Variants in PDGFD observed in about 807,000 individuals in gnomAD.
PDGFD encodes platelet derived growth factor D.
A neutral mutation model predicts 44.7 loss-of-function variants in PDGFD; 30 were observed. The ratio of observed to expected loss-of-function variants is 0.67; its 90% confidence interval spans 0.50 to 0.91. The LOEUF (loss-of-function observed/expected upper bound fraction) is 0.91, where lower values mean the gene tolerates loss of function less well. Ranked by LOEUF, PDGFD falls within the 40% of genes least tolerant of loss-of-function variation. PDGFD has a pLI of 0.00. For synonymous variants in PDGFD, 173 were observed against 168.4 expected (o/e 1.03, Z -0.21); for missense variants, 445 against 457.8 (o/e 0.97, Z 0.25).
chr11:103,916,864 A>G (rs7110286), intron 6 of PDGFD, among the ~76,000 whole-genome samples: 70,000 of 152,062 alleles, frequency 0.46, 16,235 homozygotes, highest in South Asian at 0.49. Flanking sequence ...ACATGTTCTC[A>G]CTTGTAAGTG....
chr11:104,130,183 G>A (rs746847982), intron 1 of PDGFD, among the ~76,000 whole-genome samples: 2 of 152,062 alleles, frequency 1.3e-5, no homozygotes, highest in Admixed American at 1.3e-4. Flanking sequence ...GAATACAAGG[G>A]GTATATGATG....
intron 1 of PDGFD, among the ~76,000 whole-genome samples, chr11:104,009,152 T>A (rs1859745573): frequency 6.6e-6 from 1 of 152,086 alleles, no homozygotes; most frequent in South Asian, 2.1e-4. Flanking sequence ...AATGACTACT[T>A]ACTCTGTCCT....
rs1860175035 is a variant in PDGFD at position 104,034,019 on chromosome 11, TAA to T, written c.125-33766_125-33765del. 2.0e-5 allele frequency among the ~76,000 whole-genome samples: 3 copies of T among 152,228 alleles called. No individual in the cohort carries two copies. The South Asian group carries it at 6.2e-4, about 32-fold the overall frequency. On this transcript the variant is annotated intron_variant, in intron 1 of 6. Transcript: ENST00000393158. ...ACACTGTCTTTCCAGTTGAAAGCTC[TAA>T]GTCAGGTCATCTTCCTTCTCACCTT...
chr11:104,099,476 C>T (rs1342170021), intron 1 of PDGFD, among the ~76,000 whole-genome samples: 1 of 151,716 alleles, frequency 6.6e-6, no homozygotes, highest in Non-Finnish European at 1.5e-5. Flanking sequence ...GCTGTCTCTA[C>T]AAAAAATTAG....
intron 1 of PDGFD, among the ~76,000 whole-genome samples, chr11:104,080,796 C>T (rs1861034286): frequency 6.6e-6 from 1 of 152,322 alleles, no homozygotes; most frequent in Non-Finnish European, 1.5e-5. Context: ...AAAGACATTG[C>T]AGTTTCCACC....
At chr11:104,148,798 TG>T (rs1862201247) in intron 1 of PDGFD, among the ~76,000 whole-genome samples, 2 of 152,124 alleles carry the variant, frequency 1.3e-5, no homozygotes, top group South Asian at 4.1e-4. Flanking sequence ...TACGTGTCCA[TG>T]TGTTCTCATA....
chr11:104,004,631 A>G (rs1859671346), intron 1 of PDGFD, among the ~76,000 whole-genome samples: 1 of 152,136 alleles, frequency 6.6e-6, no homozygotes, highest in Non-Finnish European at 1.5e-5. Context: ...ACTACAGGGG[A>G]AAAATAACAA....
At chr11:103,921,521 C>T (rs1858219596) in intron 6 of PDGFD, among the ~76,000 whole-genome samples, 1 of 151,522 alleles carries the variant, frequency 6.6e-6, no homozygotes, top group South Asian at 2.1e-4. Context: ...TATGATGGGG[C>T]TATATCCTGA....
intron 1 of PDGFD, among the ~76,000 whole-genome samples, chr11:104,091,139 G>C (rs1233207013): frequency 2.0e-5 from 3 of 152,160 alleles, no homozygotes; most frequent in Non-Finnish European, 4.4e-5. Context: ...GTCTCTGACA[G>C]TATTTGGCTA....
chr11:104,001,757 T>C (rs1033164923), intron 1 of PDGFD, among the ~76,000 whole-genome samples: 7 of 152,152 alleles, frequency 4.6e-5, no homozygotes, highest in Non-Finnish European at 7.4e-5. Context: ...AGAGTTTACT[T>C]TGAGGACTAT....
chr11:103,908,358 T>C lies in PDGFD; in HGVS notation c.*1336A>G, dbSNP rs1857970972. The C allele has an allele frequency of 6.7e-6, 1 of 149,700 alleles. No individual in the cohort carries two copies. Among genetic ancestry groups the C allele is most frequent in the African/African-American group, 2.6e-5 (1 of 39,078 alleles). 9.3% of individuals were successfully genotyped at this position (149,700 alleles called of 1,614,324 possible). A position where few individuals can be genotyped will look rare whatever the true frequency, so the allele number is the denominator to read the frequency against. On this transcript the variant is annotated 3_prime_UTR_variant, in exon 7 of 7. Transcript: ENST00000393158. Reference sequence around the variant, plus strand: ...TTAACCAATGTAAAACAGTTTTCTATTAAACAGTAGGACAGCAGGGCCAAA... The same window carrying C: ...TTAACCAATGTAAAACAGTTTTCTACTAAACAGTAGGACAGCAGGGCCAAA...
intron 1 of PDGFD, among the ~76,000 whole-genome samples, chr11:104,089,979 A>G (rs1261692882): frequency 1.3e-5 from 2 of 151,926 alleles, no homozygotes; most frequent in Non-Finnish European, 2.9e-5. Context: ...AGAACATACA[A>G]CTCTCTCCTA....
chr11:103,985,053 T>TATATA (rs201042352), intron 3 of PDGFD, among the ~76,000 whole-genome samples: 43,346 of 92,432 alleles, frequency 0.47, 13,453 homozygotes, highest in African/African-American at 0.64. Context: ...ATTTGTTTAA[T>TATATA]ATATATTAAT....
chr11:103,987,772 A>C (rs1034002241), intron 3 of PDGFD, among the ~76,000 whole-genome samples: 7 of 152,152 alleles, frequency 4.6e-5, no homozygotes, highest in South Asian at 2.1e-4. Context: ...ACTCATCAGG[A>C]TACTCTGAAA....
chr11:104,128,799 G>A (rs766835915), intron 1 of PDGFD, among the ~76,000 whole-genome samples: 14 of 152,106 alleles, frequency 9.2e-5, no homozygotes, highest in Non-Finnish European at 1.5e-4. Context: ...AATGCACATT[G>A]ATAATGCACA....
In PDGFD at chr11:103,908,303, G is replaced by A. The variant is rs1857969504; in HGVS notation, c.*1391C>T. ...TCTCCTTTAAAACAGACACAAAGGA[G>A]GCAGAGAGAAAAAATTACTCTAAAT... is the stretch of plus-strand genomic sequence containing the variant. On this transcript the variant is annotated 3_prime_UTR_variant, in exon 7 of 7. Coordinates refer to ENST00000393158, the MANE Select transcript of PDGFD (RefSeq NM_025208.5). 1.3e-5 allele frequency: 2 copies of A among 152,094 alleles called. No homozygotes were observed. Among genetic ancestry groups the A allele is most frequent in the Non-Finnish European group, 2.9e-5 (2 of 68,016 alleles). 9.4% of individuals were successfully genotyped at this position (152,094 alleles called of 1,614,324 possible).
chr11:104,088,596 G>T (rs897939471), intron 1 of PDGFD, among the ~76,000 whole-genome samples: 6 of 152,104 alleles, frequency 3.9e-5, no homozygotes, highest in African/African-American at 1.4e-4. Context: ...TTCTTGTCTG[G>T]CTATTACAAC....
intron 1 of PDGFD, among the ~76,000 whole-genome samples, chr11:104,050,592 T>A (rs1448619632): frequency 6.6e-6 from 1 of 152,150 alleles, no homozygotes; most frequent in East Asian, 1.9e-4. Flanking sequence ...TGGACCTCAG[T>A]TTGCTCATCA....
Position 103,916,133 on chromosome 11 carries a change from A to AC in PDGFD, c.988-6315dup, listed in dbSNP as rs529273272. On this transcript the variant is annotated intron_variant, in intron 6 of 6. Coordinates refer to ENST00000393158, the MANE Select transcript of PDGFD (RefSeq NM_025208.5). ...TAGAGCTTCTGCACAGCAAAAAAAA[A>AC]CTGTCATCAGAGTGAACAAGCAACC... 6.2e-3 allele frequency among the ~76,000 whole-genome samples: 947 copies of AC among 151,638 alleles called. 4 individuals carry two copies. Among genetic ancestry groups the AC allele is most frequent in the South Asian group, 0.052 (252 of 4,808 alleles).
Sources: allele counts gnomAD v4.1 joint callset (sites outside exome capture counted in the v4.1 genomes callset), GRCh38; gene constraint gnomAD v4.1.1; transcripts MANE v1.5; gene names NCBI Gene and HGNC (gene_info 2026-07-23, HGNC 2026-07-21).